Variants in PTPRT observed in about 807,000 individuals in gnomAD.
The protein encoded by PTPRT is receptor-type tyrosine-protein phosphatase T.
A neutral mutation model predicts 176.8 loss-of-function variants in PTPRT; 56 were observed. That is an observed-to-expected ratio of 0.32 (90% CI 0.26 to 0.40). The LOEUF is 0.40. Ranked by LOEUF, PTPRT falls within the 10% of genes least tolerant of loss-of-function variation. PTPRT has a pLI of 1.00. For missense variants in PTPRT, 1,540 were observed against 1,908.2 expected (o/e 0.81, Z 3.60); for synonymous variants, 783 against 739.0 (o/e 1.06, Z -0.96).
At chr20:42,268,249 G>A (rs528546678) in intron 13 of PTPRT, among the ~76,000 whole-genome samples, 3 of 152,284 alleles carry the variant, frequency 2.0e-5, no homozygotes, top group East Asian at 1.9e-4. Context: ...GTTGAGAAAC[G>A]TGTGGAAATA....
intron 9 of PTPRT, among the ~76,000 whole-genome samples, chr20:42,380,346 G>C (rs1155382): frequency 0.077 from 11,690 of 152,098 alleles, 487 homozygotes; most frequent in African/African-American, 0.11. Context: ...CTGACTGGTA[G>C]GCTATGCAGA....
chr20:42,874,061 G>A lies in PTPRT; in HGVS notation c.214+11746C>T, dbSNP rs139461084. Among the ~76,000 whole-genome samples, 381 of 152,264 alleles carry A rather than the reference G, an allele frequency of 2.5e-3. 1 individual carries two copies. Among genetic ancestry groups the A allele is most frequent in the African/African-American group, 8.7e-3 (361 of 41,550 alleles). ...TTCACTTGCAGGAGCTCTAGCCCCT[G>A]CAGCAGCCCAATCGGTTGAATGGTC... On this transcript the variant is annotated intron_variant, in intron 2 of 30. Transcript: ENST00000373187.
chr20:42,078,779 G>A lies in PTPRT; in HGVS notation c.*2100C>T, dbSNP rs539097461. Reference sequence around the variant, plus strand: ...CACATTTCTTTGCCATTGCACATATGGATCCCTTTGCCTGAGTTTCCTTTT... The same window carrying A: ...CACATTTCTTTGCCATTGCACATATAGATCCCTTTGCCTGAGTTTCCTTTT... On this transcript the variant is annotated 3_prime_UTR_variant, in exon 31 of 31. Coordinates refer to ENST00000373187, the MANE Select transcript of PTPRT (RefSeq NM_007050.6). 2.8e-4 allele frequency: 50 copies of A among 175,992 alleles called. No individual in the cohort carries two copies. Among genetic ancestry groups the A allele is most frequent in the African/African-American group, 1.1e-3 (46 of 42,300 alleles). The allele number at this position is 175,992 out of a possible 1,614,324, so 10.9% of individuals were successfully genotyped here.
intron 9 of PTPRT, among the ~76,000 whole-genome samples, chr20:42,437,519 T>C (rs1052743163): frequency 4.6e-5 from 7 of 152,212 alleles, no homozygotes; most frequent in African/African-American, 1.7e-4. Flanking sequence ...GTGAATTTTC[T>C]TTATGCCATC....
intron 8 of PTPRT, among the ~76,000 whole-genome samples, chr20:42,452,454 A>T (rs1184463551): frequency 6.6e-6 from 1 of 152,184 alleles, no homozygotes; most frequent in African/African-American, 2.4e-5. Context: ...GAAGTGTCCT[A>T]ATGGCTCTGT....
chr20:42,386,426 G>A (rs2058744910), intron 9 of PTPRT, among the ~76,000 whole-genome samples: 1 of 152,202 alleles, frequency 6.6e-6, no homozygotes, highest in African/African-American at 2.4e-5. Flanking sequence ...GGTACAGGAT[G>A]AGGGATGGTC....
chr20:42,779,279 G>A (rs2077181035), intron 4 of PTPRT, among the ~76,000 whole-genome samples: 1 of 152,202 alleles, frequency 6.6e-6, no homozygotes, highest in African/African-American at 2.4e-5. Flanking sequence ...GAGGACCCAT[G>A]ATGTCTCTTG....
chr20:42,894,742 A>G (rs1331459641), intron 1 of PTPRT, among the ~76,000 whole-genome samples: 1 of 152,194 alleles, frequency 6.6e-6, no homozygotes, highest in African/African-American at 2.4e-5. Flanking sequence ...GCCAGTCTGC[A>G]TGCCTTCTGC....
chr20:42,233,786 C>T (rs2056183517), intron 15 of PTPRT, among the ~76,000 whole-genome samples: 2 of 152,200 alleles, frequency 1.3e-5, no homozygotes, highest in Admixed American at 1.3e-4. Flanking sequence ...TATGGAAACC[C>T]TGTGTCCTAT....
chr20:42,531,712 G>A (rs993562672), intron 7 of PTPRT, among the ~76,000 whole-genome samples: 1 of 152,182 alleles, frequency 6.6e-6, no homozygotes, highest in East Asian at 1.9e-4. Context: ...CCAGTGCTCC[G>A]GGAAGTACCT....
At chr20:42,345,085 C>T (rs2058167924) in intron 11 of PTPRT, among the ~76,000 whole-genome samples, 3 of 152,140 alleles carry the variant, frequency 2.0e-5, no homozygotes, top group African/African-American at 4.8e-5. Flanking sequence ...CAAACACAGG[C>T]TCATTGGCAC....
chr20:42,191,730 G>T (rs991885957), intron 16 of PTPRT, among the ~76,000 whole-genome samples: 2 of 152,136 alleles, frequency 1.3e-5, no homozygotes, highest in African/African-American at 2.4e-5. Flanking sequence ...GCCAGCACGT[G>T]GTTGCTGACT....
intron 1 of PTPRT, among the ~76,000 whole-genome samples, chr20:43,099,253 GTTCACAAAATAATTTCAGA>G (rs1171304990): frequency 1.3e-5 from 2 of 152,168 alleles, no homozygotes; most frequent in Non-Finnish European, 2.9e-5. Flanking sequence ...GAATCTCATA[GTTCACAAAATAATTTCAGA>G]TCCACCATCT....
intron 7 of PTPRT, among the ~76,000 whole-genome samples, chr20:42,640,081 T>A (rs914412669): frequency 2.6e-5 from 4 of 152,112 alleles, no homozygotes; most frequent in African/African-American, 9.7e-5. Context: ...CCTGCTACAA[T>A]CTGGTTTCTG....
intron 1 of PTPRT, among the ~76,000 whole-genome samples, chr20:43,128,426 C>T (rs2013526684): frequency 6.6e-6 from 1 of 152,170 alleles, no homozygotes; most frequent in Admixed American, 6.5e-5. Context: ...GGTTCAAGTC[C>T]CTACGACAAA....
intron 7 of PTPRT, among the ~76,000 whole-genome samples, chr20:42,622,910 T>C (rs1272402923): frequency 1.3e-5 from 2 of 152,274 alleles, no homozygotes; most frequent in East Asian, 3.9e-4. Flanking sequence ...ATTCCTGTTT[T>C]TGCATCCAAA....
intron 1 of PTPRT, among the ~76,000 whole-genome samples, chr20:43,098,462 G>T (rs772514848): frequency 2.6e-5 from 4 of 151,988 alleles, no homozygotes; most frequent in Non-Finnish European, 5.9e-5. Context: ...TCCCCTAAGA[G>T]TGCCAGGTAA....
chr20:42,822,946 G>A (rs972146198), intron 2 of PTPRT, among the ~76,000 whole-genome samples: 1 of 151,936 alleles, frequency 6.6e-6, no homozygotes, highest in Non-Finnish European at 1.5e-5. Flanking sequence ...ACTGTTGGTA[G>A]GAATGTAACA....
chr20:42,119,605 T>C (rs1987480451), intron 20 of PTPRT, among the ~76,000 whole-genome samples: 1 of 152,222 alleles, frequency 6.6e-6, no homozygotes, highest in Admixed American at 6.5e-5. Flanking sequence ...CAGGTGTTGA[T>C]GGCACCTGCT....
Sources: allele counts gnomAD v4.1 joint callset (sites outside exome capture counted in the v4.1 genomes callset), GRCh38; gene constraint gnomAD v4.1.1; transcripts MANE v1.5; gene names NCBI Gene and HGNC (gene_info 2026-07-23, HGNC 2026-07-21).